The following NPEPPS variants were observed in gnomAD, a reference collection of about 807,000 sequenced individuals.
NPEPPS encodes aminopeptidase puromycin sensitive.
NPEPPS carries 14 observed loss-of-function variants against 115.5 expected under a neutral mutation model. The observed-to-expected ratio is 0.12, with a 90% CI of 0.08 to 0.19. NPEPPS has a LOEUF of 0.19. Ranked by LOEUF, NPEPPS falls within the 10% of genes least tolerant of loss-of-function variation. The probability of loss-of-function intolerance (pLI) is 1.00; values close to 1 mark genes in which losing one functional copy is unlikely to be tolerated. For missense variants in NPEPPS, 523 were observed against 1,110.8 expected (o/e 0.47, Z 7.52); for synonymous variants, 285 against 390.6 (o/e 0.73, Z 3.19).
At chr17:47,525,948 C>T (rs1388066823) in intron 1 of NPEPPS, among the ~76,000 whole-genome samples, 5 of 152,162 alleles carry the variant, frequency 3.3e-5, no homozygotes, top group African/African-American at 7.2e-5. Flanking sequence ...CGGTGGCTCA[C>T]GCCTGTAATC....
chr17:47,563,035 T>C (rs1910541270), intron 2 of NPEPPS, among the ~76,000 whole-genome samples: 1 of 141,304 alleles, frequency 7.1e-6, no homozygotes, highest in Non-Finnish European at 1.6e-5. Context: ...TGTTTGTTTG[T>C]TTTGTTTTTT....
intron 2 of NPEPPS, among the ~76,000 whole-genome samples, chr17:47,556,691 CG>C (rs1305291457): frequency 1.3e-5 from 2 of 152,092 alleles, no homozygotes; most frequent in African/African-American, 2.4e-5. Context: ...CCGGACGGGG[CG>C]GCTGGCCGGG....
At chr17:47,607,247 A>G (rs568499107) in intron 17 of NPEPPS, among the ~76,000 whole-genome samples, 1 of 152,302 alleles carries the variant, frequency 6.6e-6, no homozygotes, top group South Asian at 2.1e-4. Flanking sequence ...CCACTATTTT[A>G]TAGAGAGTGT....
intron 17 of NPEPPS, among the ~76,000 whole-genome samples, chr17:47,609,083 G>C (rs1420978712): frequency 6.6e-6 from 1 of 152,126 alleles, no homozygotes; most frequent in African/African-American, 2.4e-5. Flanking sequence ...AATTTTTTAA[G>C]TTGGGAGATT....
chr17:47,537,553 C>T (rs141601713), intron 1 of NPEPPS, among the ~76,000 whole-genome samples: 7,483 of 151,686 alleles, frequency 0.049, 236 homozygotes, highest in Middle Eastern at 0.16. Context: ...ATTAGCCGGG[C>T]GTGGTGGCAC....
At chr17:47,556,094 T>TA (rs1910006872) in intron 2 of NPEPPS, among the ~76,000 whole-genome samples, 1 of 145,434 alleles carries the variant, frequency 6.9e-6, no homozygotes, top group Non-Finnish European at 1.5e-5. Context: ...TTTTTTTTTT[T>TA]AATTCATCAT....
intron 1 of NPEPPS, among the ~76,000 whole-genome samples, chr17:47,537,336 G>T (rs1180580315): frequency 6.6e-6 from 1 of 152,158 alleles, no homozygotes; most frequent in East Asian, 1.9e-4. Flanking sequence ...ATCTGGCAAT[G>T]AATTCTGCAG....
At chr17:47,619,308 C>G in intron 21 of NPEPPS, 144 bp downstream of exon 21, 1 of 794,704 alleles carries the variant, frequency 1.3e-6, no homozygotes, top group Non-Finnish European at 2.1e-6. Context: ...AATACCAGCA[C>G]TTTGGGACGC....
At chr17:47,618,050 T>C (rs1946196874) in intron 19 of NPEPPS, among the ~76,000 whole-genome samples, 1 of 151,040 alleles carries the variant, frequency 6.6e-6, no homozygotes, top group South Asian at 2.1e-4. Context: ...ATTTTTTTTT[T>C]TTGTATTTTT....
intron 2 of NPEPPS, 103 bp downstream of exon 2, chr17:47,546,096 T>C (rs1281416732): frequency 6.0e-6 from 6 of 1,004,162 alleles, no homozygotes; most frequent in South Asian, 1.8e-5. Context: ...GAGAGAGACA[T>C]TTTCAGGTTA....
chr17:47,541,182 G>A (rs1413227527), intron 1 of NPEPPS, among the ~76,000 whole-genome samples: 1 of 152,098 alleles, frequency 6.6e-6, no homozygotes, highest in Admixed American at 6.6e-5. Flanking sequence ...GACATTGGTG[G>A]ATTAACTGCT....
intron 3 of NPEPPS, chr17:47,577,210 C>T (rs1474377562): frequency 8.8e-6 from 6 of 682,936 alleles, no homozygotes; most frequent in African/African-American, 1.9e-5. Context: ...ACTTTTGTTC[C>T]AACTAGGAAA....
chr17:47,601,921 G>A, intron 15 of NPEPPS, 174 bp downstream of exon 15: 1 of 628,614 alleles, frequency 1.6e-6, no homozygotes, highest in South Asian at 2.1e-5. Context: ...CTTATGTTAG[G>A]GAAGGTAGTG....
intron 22 of NPEPPS, 100 bp downstream of exon 22, chr17:47,619,884 T>C: frequency 1.0e-6 from 1 of 978,880 alleles, no homozygotes; most frequent in South Asian, 1.3e-5. Flanking sequence ...GTAGCATCTC[T>C]GTGTTTTTGT....
At chr17:47,596,997 G>A (rs1251304969) in intron 13 of NPEPPS, among the ~76,000 whole-genome samples, 2 of 150,690 alleles carry the variant, frequency 1.3e-5, no homozygotes, top group African/African-American at 2.4e-5. Context: ...GCAGCGAGCC[G>A]AGATTGTGCC....
At position 47,546,293 on chromosome 17, in the gene NPEPPS, G is replaced by C. The variant is rs552480997; in HGVS notation, c.340+300G>C. 2.0e-3 allele frequency among the ~76,000 whole-genome samples: 299 copies of C among 152,160 alleles called. 1 individual carries two copies. Among genetic ancestry groups the C allele is most frequent in the Non-Finnish European group, 3.3e-3 (223 of 68,004 alleles). ...ACAGAAATATTAGCTAGGCATAGTG[G>C]TGCGTGCCTGTAGTCCCAGCTATTT... On this transcript the variant is annotated intron_variant, in intron 2 of 22. Coordinates refer to ENST00000322157, the MANE Select transcript of NPEPPS (RefSeq NM_006310.4).
chr17:47,571,959 T>C (rs975466192), intron 3 of NPEPPS, among the ~76,000 whole-genome samples: 1 of 151,802 alleles, frequency 6.6e-6, no homozygotes, highest in Admixed American at 6.6e-5. Context: ...CCATGAGGAG[T>C]GCTGATCATA....
At position 47,551,966 on chromosome 17, in the gene NPEPPS, CTT is replaced by C. The variant is rs1294867980; in HGVS notation, c.340+5986_340+5987del. Among the ~76,000 whole-genome samples the C allele has an allele frequency of 2.0e-5, 2 of 100,892 alleles. 1 individual carries two copies. Among genetic ancestry groups the C allele is most frequent in the Non-Finnish European group, 4.1e-5 (2 of 48,512 alleles). The allele number at this position is 100,892 out of a possible 152,430, so 66.2% of individuals were successfully genotyped here. A position where few individuals can be genotyped will look rare whatever the true frequency, so the allele number is the denominator to read the frequency against. On this transcript the variant is annotated intron_variant, in intron 2 of 22. Coordinates refer to ENST00000322157, the MANE Select transcript of NPEPPS (RefSeq NM_006310.4). ...TGATCTTGTTTGTTGGGATTTCTTTCTTTTTTTTTTTTTTCTTTTTTTTTTGA... is the reference window on the plus strand; with the variant it reads ...TGATCTTGTTTGTTGGGATTTCTTTCTTTTTTTTTTTTCTTTTTTTTTTGA...
intron 2 of NPEPPS, among the ~76,000 whole-genome samples, chr17:47,555,634 A>G (rs2661208): frequency 5.9e-5 from 9 of 151,702 alleles, no homozygotes; most frequent in South Asian, 4.2e-4. Context: ...GGCACAAGCC[A>G]CCGCGCCCGG....
Sources: allele counts gnomAD v4.1 joint callset (sites outside exome capture counted in the v4.1 genomes callset), GRCh38; gene constraint gnomAD v4.1.1; transcripts MANE v1.5; gene names NCBI Gene and HGNC (gene_info 2026-07-23, HGNC 2026-07-21).